The following ZFAT variants were observed in gnomAD, a reference collection of about 807,000 sequenced individuals.
The protein encoded by ZFAT is zinc finger protein ZFAT.
A neutral mutation model predicts 117.7 loss-of-function variants in ZFAT; 64 were observed. The observed-to-expected ratio is 0.54, with a 90% CI of 0.44 to 0.67. ZFAT has a LOEUF of 0.67. ZFAT is among the 30% of genes least tolerant of loss of function. The probability of loss-of-function intolerance (pLI) is 0.00; values close to 1 mark genes in which losing one functional copy is unlikely to be tolerated. For missense variants in ZFAT, 1,433 were observed against 1,584.5 expected (o/e 0.90, Z 1.62); for synonymous variants, 679 against 615.0 (o/e 1.10, Z -1.54).
chr8:134,779,032 A>G, the ZFAT span, among the ~76,000 whole-genome samples: 1,908 of 152,284 alleles, frequency 0.013, 46 homozygotes, highest in African/African-American at 0.044. Context: ...GGCTTTGGTG[A>G]ATGATTTCTT....
intron 15 of ZFAT, among the ~76,000 whole-genome samples, chr8:134,483,081 T>C (rs1817431544): frequency 6.6e-6 from 1 of 152,236 alleles, no homozygotes; most frequent in Non-Finnish European, 1.5e-5. Context: ...TGCACCCCCT[T>C]TGTGCATTTC....
chr8:134,789,011 A>C, the ZFAT span, among the ~76,000 whole-genome samples: 1 of 152,082 alleles, frequency 6.6e-6, no homozygotes, highest in Admixed American at 6.6e-5. Flanking sequence ...CAGCCTGATA[A>C]ATTTTTAAAC....
At chr8:134,671,266 G>A (rs6991874) in intron 1 of ZFAT, among the ~76,000 whole-genome samples, 52,905 of 151,880 alleles carry the variant, frequency 0.35, 9,538 homozygotes, top group South Asian at 0.43. Context: ...GGCCAGCATC[G>A]TCCTGATACC....
chr8:134,541,117 T>C (rs1264045199), intron 11 of ZFAT, among the ~76,000 whole-genome samples: 1 of 152,206 alleles, frequency 6.6e-6, no homozygotes, highest in African/African-American at 2.4e-5. Context: ...GACTTCAGAT[T>C]TGGAGATAGC....
chr8:134,717,157 G>A (rs186999746), upstream of ZFAT, among the ~76,000 whole-genome samples: 1 of 152,292 alleles, frequency 6.6e-6, no homozygotes, highest in East Asian at 1.9e-4. Flanking sequence ...TGCTAATGAT[G>A]CATAATGAAG....
At chr8:134,514,346 T>C (rs1363111444) in intron 13 of ZFAT, among the ~76,000 whole-genome samples, 2 of 152,242 alleles carry the variant, frequency 1.3e-5, no homozygotes, top group Admixed American at 6.5e-5. Context: ...ACATCAGTAA[T>C]TGACACTCGA....
the ZFAT span, among the ~76,000 whole-genome samples, chr8:134,779,896 C>T: frequency 2.0e-5 from 3 of 152,098 alleles, no homozygotes; most frequent in African/African-American, 4.8e-5. Flanking sequence ...GACTGAGGCT[C>T]AATACATTCT....
intron 1 of ZFAT, among the ~76,000 whole-genome samples, chr8:134,694,873 T>C (rs945485716): frequency 1.3e-5 from 2 of 152,198 alleles, no homozygotes; most frequent in African/African-American, 4.8e-5. Context: ...ACCGTAGTTA[T>C]CACTATAACT....
rs1816987041 is a variant in ZFAT, at chr8:134,477,828, T to C, written c.*654A>G. ...TTTTTATTCCAACCACCTCACCTCC[T>C]TAGAATGGGAGGCGAACAGTGAAAT... On this transcript the variant is annotated 3_prime_UTR_variant, in exon 16 of 16. Transcript: ENST00000377838. 1 of 152,248 alleles carries C rather than the reference T, an allele frequency of 6.6e-6. No individual in the cohort carries two copies. Among genetic ancestry groups the C allele is most frequent in the Non-Finnish European group, 1.5e-5 (1 of 68,122 alleles). The allele number at this position is 152,248 out of a possible 1,614,324, so 9.4% of individuals were successfully genotyped here.
intron 15 of ZFAT, among the ~76,000 whole-genome samples, chr8:134,486,992 G>A (rs1202928050): frequency 6.6e-6 from 1 of 152,140 alleles, no homozygotes; most frequent in Non-Finnish European, 1.5e-5. Flanking sequence ...GTGTGTATAT[G>A]TACATATGCA....
chr8:134,760,565 C>T, the ZFAT span, among the ~76,000 whole-genome samples: 58 of 152,202 alleles, frequency 3.8e-4, no homozygotes, highest in South Asian at 3.3e-3. Context: ...GCAGGAGTGG[C>T]GGGTGAGTGG....
At chr8:134,675,243 C>T (rs28879713) in intron 1 of ZFAT, among the ~76,000 whole-genome samples, 4,832 of 152,142 alleles carry the variant, frequency 0.032, 262 homozygotes, top group African/African-American at 0.11. Flanking sequence ...GAACAACCAG[C>T]TTAGAGAAGA....
At chr8:134,677,665 CA>C (rs1832870633) in intron 1 of ZFAT, among the ~76,000 whole-genome samples, 1 of 152,084 alleles carries the variant, frequency 6.6e-6, no homozygotes, top group East Asian at 1.9e-4. Context: ...AAATTTAGGC[CA>C]ATATCCTGAT....
At chr8:134,637,419 T>C in intron 3 of ZFAT, 42 bp downstream of exon 3, 1 of 1,579,226 alleles carries the variant, frequency 6.3e-7, no homozygotes, top group Non-Finnish European at 8.6e-7. Flanking sequence ...GATACACCTC[T>C]TCATAAGAAA....
chr8:134,605,406 T>C (rs1827808618), intron 5 of ZFAT, among the ~76,000 whole-genome samples: 1 of 151,446 alleles, frequency 6.6e-6, no homozygotes, highest in African/African-American at 2.4e-5. Flanking sequence ...ATTAGCTGGG[T>C]GTGGTGGTGG....
At chr8:134,818,257 T>G in the ZFAT span, among the ~76,000 whole-genome samples, 1 of 152,148 alleles carries the variant, frequency 6.6e-6, no homozygotes, top group Admixed American at 6.5e-5. Flanking sequence ...GATTTATACA[T>G]AAGAACCCTC....
the ZFAT span, among the ~76,000 whole-genome samples, chr8:134,726,347 C>T: frequency 6.6e-6 from 1 of 152,314 alleles, no homozygotes; most frequent in East Asian, 1.9e-4. Context: ...GTCGGGCAAG[C>T]TGACTGCATG....
chr8:134,699,187 G>A (rs964318530), intron 1 of ZFAT, among the ~76,000 whole-genome samples: 1 of 152,094 alleles, frequency 6.6e-6, no homozygotes, highest in Non-Finnish European at 1.5e-5. Context: ...CCTGAGAGCA[G>A]GTCAAACCCA....
Position 134,478,425 on chromosome 8 carries a change from T to G in ZFAT, c.*57A>C. ...GGCAGGAAGGGTGGCCTCCCCACCC[T>G]GGGTGCCTGCAGAGCCTGGCAGCCC... On this transcript the variant is annotated 3_prime_UTR_variant, in exon 16 of 16. Coordinates refer to ENST00000377838, the MANE Select transcript of ZFAT (RefSeq NM_020863.4). This position sits in a 1 kb window ranked among gnomAD's most constrained non-coding sequence, Gnocchi z 5.2. 1 of 1,527,944 alleles carries G rather than the reference T, an allele frequency of 6.5e-7. No individual in the cohort carries two copies. The highest frequency in any genetic ancestry group is 2.5e-5 in the East Asian group (1 of 40,520). 94.6% of individuals were successfully genotyped at this position (1,527,944 alleles called of 1,614,324 possible).
Sources: gnomAD v4.1 joint callset for allele counts (sites outside exome capture counted in the v4.1 genomes callset) on GRCh38, gnomAD v4.1.1 for gene constraint, Gnocchi (gnomAD v3.1) non-coding constraint, MANE v1.5 for transcripts, NCBI Gene and HGNC (gene_info 2026-07-23, HGNC 2026-07-21) for gene names.